The following SND1 variants were observed in gnomAD, a reference collection of about 807,000 sequenced individuals.
SND1 encodes staphylococcal nuclease domain-containing protein 1.
Under a neutral mutation model 121.7 loss-of-function variants are expected in SND1, and 38 were observed. The ratio of observed to expected loss-of-function variants is 0.31; its 90% CI spans 0.24 to 0.41. The LOEUF is 0.41. Ranked by LOEUF, SND1 falls within the 10% of genes least tolerant of loss-of-function variation. The pLI is 1.00. For synonymous variants in SND1, 401 were observed against 447.4 expected (o/e 0.90, Z 1.31); for missense variants, 868 against 1,184.6 (o/e 0.73, Z 3.92).
intron 16 of SND1, chr7:127,997,860 C>G (rs757622554): frequency 3.7e-6 from 2 of 534,708 alleles, no homozygotes; most frequent in African/African-American, 1.9e-5. Context: ...CTTTCCTATT[C>G]ACTCCTGTTC....
chr7:127,755,641 T>C (rs975591344), intron 10 of SND1, among the ~76,000 whole-genome samples: 1 of 152,246 alleles, frequency 6.6e-6, no homozygotes, highest in African/African-American at 2.4e-5. Flanking sequence ...GGAGTTTCTT[T>C]GTCTGTGCCC....
At chr7:127,660,748 C>T (rs1381559524) in intron 1 of SND1, among the ~76,000 whole-genome samples, 2 of 152,148 alleles carry the variant, frequency 1.3e-5, no homozygotes, top group East Asian at 1.9e-4. Context: ...GGCAGTTGCT[C>T]ACACAGTTTC....
intron 15 of SND1, among the ~76,000 whole-genome samples, chr7:127,933,003 T>G (rs538649829): frequency 6.6e-6 from 1 of 152,272 alleles, no homozygotes; most frequent in South Asian, 2.1e-4. Context: ...CATCTTCTGC[T>G]CTGAGAAAGA....
intron 11 of SND1, among the ~76,000 whole-genome samples, chr7:127,821,449 A>C (rs1176730549): frequency 6.6e-6 from 1 of 152,178 alleles, no homozygotes; most frequent in African/African-American, 2.4e-5. Flanking sequence ...ACTCCATGTC[A>C]TCATCTCTGC....
At chr7:127,892,071 G>A (rs901299285) in intron 13 of SND1, among the ~76,000 whole-genome samples, 6 of 152,080 alleles carry the variant, frequency 3.9e-5, no homozygotes, top group African/African-American at 1.4e-4. Context: ...GTGGTGCAGA[G>A]TGCTCTTCTG....
intron 16 of SND1, chr7:128,027,975 A>G (rs893144182): frequency 1.3e-5 from 2 of 152,452 alleles, no homozygotes; most frequent in African/African-American, 4.8e-5. Context: ...TTTCTAAGCA[A>G]TTCTGTCAGG....
chr7:127,821,776 T>C (rs902488469), intron 11 of SND1, among the ~76,000 whole-genome samples: 1 of 152,152 alleles, frequency 6.6e-6, no homozygotes, highest in African/African-American at 2.4e-5. Context: ...TTTTAAAAAA[T>C]TTTTCTTCTA....
rs565390881 is a variant in SND1, at chr7:128,052,521, T to A, written c.1780-21981T>A. 6.6e-6 allele frequency among the ~76,000 whole-genome samples: 1 copy of A among 152,212 alleles called. No homozygotes were observed. Among genetic ancestry groups the A allele is most frequent in the Non-Finnish European group, 1.5e-5 (1 of 68,040 alleles). ...GCATCTGCTGAAAGGGGTGTAGTCA[T>A]CCTGGCCCCAGACAGAGCTGTCTTC... On this transcript the variant is annotated intron_variant, in intron 16 of 23. Transcript: ENST00000354725. The surrounding 1 kb of genome is among the most constrained non-coding windows in gnomAD (Gnocchi z 4.6).
intron 8 of SND1, among the ~76,000 whole-genome samples, chr7:127,706,655 G>A (rs1010701244): frequency 2.0e-5 from 3 of 152,090 alleles, no homozygotes; most frequent in African/African-American, 4.8e-5. Flanking sequence ...TTTTGGGGGA[G>A]TGCTCATCAT....
chr7:127,892,640 A>G (rs1036959273), intron 13 of SND1, among the ~76,000 whole-genome samples: 1 of 152,048 alleles, frequency 6.6e-6, no homozygotes, highest in African/African-American at 2.4e-5. Context: ...TCATCAGCTG[A>G]CCCCTGCCTC....
rs772722381 is a variant in SND1, at chr7:128,085,116, T to TGGCCGGCC, written c.2234+274_2234+281dup. Among the ~76,000 whole-genome samples, 16 of 152,100 alleles carry TGGCCGGCC rather than the reference T, an allele frequency of 1.1e-4. No homozygotes were observed. The highest frequency in any genetic ancestry group is 1.8e-4 in the Non-Finnish European group (12 of 67,996). ...TGGGAGCCCTTGCTGGCTGGCTGGC[T>TGGCCGGCC]GGCCGGCCGGCCAGGCTGTCCAGCA... On this transcript the variant is annotated intron_variant, in intron 19 of 23. Transcript: ENST00000354725. The surrounding 1 kb of genome is among the most constrained non-coding windows in gnomAD (Gnocchi z 4.4).
At chr7:127,693,652 CTGTGT>C (rs1167760286) in intron 2 of SND1, among the ~76,000 whole-genome samples, 230 of 152,324 alleles carry the variant, frequency 1.5e-3, no homozygotes, top group Non-Finnish European at 2.6e-3. Context: ...TTTGCCTTTA[CTGTGT>C]GTAGCATGAG....
At chr7:128,090,009 C>T (rs574811477) in intron 22 of SND1, among the ~76,000 whole-genome samples, 4 of 152,254 alleles carry the variant, frequency 2.6e-5, no homozygotes, top group Admixed American at 6.5e-5. Context: ...CTGTCCCTCC[C>T]GCTCTCCCAG....
chr7:127,690,124 G>T (rs941220197), intron 2 of SND1, among the ~76,000 whole-genome samples: 1 of 151,692 alleles, frequency 6.6e-6, no homozygotes, highest in Non-Finnish European at 1.5e-5. Context: ...TTCTCCATAT[G>T]CTCTCAGATT....
chr7:128,030,515 C>A (rs199788438), intron 16 of SND1: 12 of 1,613,318 alleles, frequency 7.4e-6, no homozygotes, highest in Non-Finnish European at 1.0e-5. Flanking sequence ...AGTTCTGGGG[C>A]CCGGCTGAGG....
intron 14 of SND1, among the ~76,000 whole-genome samples, chr7:127,915,180 A>T (rs1034663780): frequency 6.6e-6 from 1 of 151,936 alleles, no homozygotes; most frequent in Non-Finnish European, 1.5e-5. Flanking sequence ...CGCCAGGCTA[A>T]TTTTTTATTT....
intron 16 of SND1, among the ~76,000 whole-genome samples, chr7:128,055,018 TG>T (rs1454167304): frequency 6.6e-6 from 1 of 152,218 alleles, no homozygotes; most frequent in Non-Finnish European, 1.5e-5. Flanking sequence ...CCCGATCTAT[TG>T]GCCTGCAGGA....
chr7:127,911,339 C>G (rs1013958372), intron 14 of SND1, among the ~76,000 whole-genome samples: 6 of 152,136 alleles, frequency 3.9e-5, no homozygotes, highest in African/African-American at 1.4e-4. Flanking sequence ...AACTCTTTCT[C>G]TTTCTTTTCT....
chr7:127,668,213 G>A (rs886949512), intron 1 of SND1, among the ~76,000 whole-genome samples: 3 of 152,208 alleles, frequency 2.0e-5, no homozygotes, highest in African/African-American at 7.2e-5. Context: ...ATTGATGTTT[G>A]CACAGTAAAG....
Sources: gnomAD v4.1 joint callset for allele counts (sites outside exome capture counted in the v4.1 genomes callset) on GRCh38, gnomAD v4.1.1 for gene constraint, Gnocchi (gnomAD v3.1) non-coding constraint, MANE v1.5 for transcripts, NCBI Gene and HGNC (gene_info 2026-07-23, HGNC 2026-07-21) for gene names.